The following USH2A variants were observed in gnomAD, a reference collection of about 807,000 sequenced individuals.
USH2A encodes usherin.
Under a neutral mutation model 538.9 loss-of-function variants are expected in USH2A, and 443 were observed. The observed-to-expected ratio is 0.82, with a 90% CI of 0.76 to 0.89. USH2A has a LOEUF of 0.89. Among genes scored for constraint, USH2A ranks in the 40% least tolerant of loss-of-function variants. The pLI, the probability that USH2A is intolerant of heterozygous loss-of-function variation, is 0.00. For missense variants in USH2A, 6,633 were observed against 6,324.8 expected, an observed-to-expected ratio of 1.05 and a Z score of -1.65; for synonymous variants, 2,413 against 2,273.5, an observed-to-expected ratio of 1.06 and a Z score of -1.75.
intron 61 of USH2A, among the ~76,000 whole-genome samples, chr1:215,686,206 T>C (rs1028415996): frequency 6.6e-6 from 1 of 152,154 alleles, no homozygotes. Flanking sequence ...GAGGAACTTA[T>C]AATCTAATAG....
chr1:215,762,863 G>A (rs1661019846), intron 56 of USH2A, among the ~76,000 whole-genome samples: 1 of 152,150 alleles, frequency 6.6e-6, no homozygotes. Context: ...GTTAAAAGGG[G>A]AAAGGTAGAA....
intron 21 of USH2A, among the ~76,000 whole-genome samples, chr1:216,152,237 C>T (rs1199021468): frequency 1.3e-5 from 2 of 152,178 alleles, no homozygotes; most frequent in African/African-American, 4.8e-5. Flanking sequence ...GCCAAGCCAT[C>T]GCATCCCCTG....
intron 38 of USH2A, among the ~76,000 whole-genome samples, chr1:215,908,381 T>C (rs1665691703): frequency 6.6e-6 from 1 of 151,970 alleles, no homozygotes; most frequent in Non-Finnish European, 1.5e-5. Flanking sequence ...TTAGTATTGC[T>C]CATGAAATAC....
At chr1:216,250,429 T>C (rs2036135107) in intron 12 of USH2A, among the ~76,000 whole-genome samples, 1 of 152,056 alleles carries the variant, frequency 6.6e-6, no homozygotes, top group Non-Finnish European at 1.5e-5. Flanking sequence ...TAGGAACAGT[T>C]CAAAGAAATA....
rs1571919564 is a variant in USH2A at position 215,634,793 on chromosome 1, G to A, written c.15053-90C>T. ...CTGCTATTTGATAGTAAATTAGAGA[G>A]GAGTTGAAAGCAGAAAGCAGTTTGT... On this transcript the variant is annotated intron_variant, in intron 69 of 71. Transcript: ENST00000307340. The A allele has an allele frequency of 4.4e-6, 7 of 1,604,566 alleles. No homozygotes were observed. In the East Asian group the frequency reaches 1.3e-4, roughly 31 times the overall value.
chr1:216,071,194 CT>C (rs1244524830), intron 29 of USH2A, among the ~76,000 whole-genome samples: 1 of 152,136 alleles, frequency 6.6e-6, no homozygotes, highest in Non-Finnish European at 1.5e-5. Flanking sequence ...GAGGATCACT[CT>C]GGTTTTTCCA....
At chr1:216,147,156 C>A (rs1165538935) in intron 21 of USH2A, among the ~76,000 whole-genome samples, 1 of 151,932 alleles carries the variant, frequency 6.6e-6, no homozygotes, top group Non-Finnish European at 1.5e-5. Flanking sequence ...GTACCAACCC[C>A]AAGCATCGCT....
At chr1:215,721,009 C>T (rs1470901305) in intron 61 of USH2A, among the ~76,000 whole-genome samples, 4 of 152,078 alleles carry the variant, frequency 2.6e-5, no homozygotes. Flanking sequence ...AATGACCATG[C>T]CCTCTTTCCC....
At position 215,892,261 on chromosome 1, in the gene USH2A, C is replaced by T. The variant is rs148800181; in HGVS notation, c.7595-3207G>A. Among the ~76,000 whole-genome samples, 387 of 152,186 alleles carry T rather than the reference C, an allele frequency of 2.5e-3. 1 individual carries two copies. Among genetic ancestry groups the T allele is most frequent in the Non-Finnish European group, 4.4e-3 (301 of 68,002 alleles). Reference sequence around the variant, plus strand: ...GAGTCTTCTCTACTTGTTTGCTATTCGAGTTACCCATGACTGATCAGTCAG... The same window carrying T: ...GAGTCTTCTCTACTTGTTTGCTATTTGAGTTACCCATGACTGATCAGTCAG... On this transcript the variant is annotated intron_variant, in intron 40 of 71. Coordinates refer to ENST00000307340, the MANE Select transcript of USH2A (RefSeq NM_206933.4).
In USH2A at chr1:215,899,581, A is replaced by G. The variant is rs538622328; in HGVS notation, c.7594+494T>C. Among the ~76,000 whole-genome samples, 3 of 152,324 alleles carry G rather than the reference A, an allele frequency of 2.0e-5. No individual in the cohort carries two copies. The South Asian group carries it at 6.2e-4, about 32-fold the overall frequency. On this transcript the variant is annotated intron_variant, in intron 40 of 71. Transcript: ENST00000307340. ...GAAATCTTAATCCACCTTTTGTAAT[A>G]TACTGCTATCAGATTATACTTCTCT...
At chr1:215,790,341 C>G (rs947652089) in intron 50 of USH2A, 59 bp from the exon 51 acceptor site, 6 of 1,584,578 alleles carry the variant, frequency 3.8e-6, no homozygotes, top group Non-Finnish European at 5.2e-6. Flanking sequence ...AAAACTGAGG[C>G]TGCTATAAAG....
intron 63 of USH2A, 32 bp from the exon 64 acceptor site, chr1:215,671,325 T>A: frequency 1.9e-6 from 3 of 1,610,172 alleles, no homozygotes; most frequent in Non-Finnish European, 1.7e-6. Context: ...TTAGTGATTT[T>A]CAGCAAAATA....
At chr1:215,632,674 C>A (rs1043437638) in intron 70 of USH2A, among the ~76,000 whole-genome samples, 1 of 152,134 alleles carries the variant, frequency 6.6e-6, no homozygotes, top group Non-Finnish European at 1.5e-5. Flanking sequence ...ACTCCATAGA[C>A]CCTAGTTTCA....
chr1:216,213,691 G>T (rs769233614), intron 15 of USH2A, among the ~76,000 whole-genome samples: 6 of 150,934 alleles, frequency 4.0e-5, no homozygotes, highest in Non-Finnish European at 8.9e-5. Context: ...AAATTTCTTA[G>T]ATAGGACACA....
chr1:216,280,296 A>G (rs1315718976), intron 11 of USH2A, among the ~76,000 whole-genome samples: 1 of 152,060 alleles, frequency 6.6e-6, no homozygotes, highest in Non-Finnish European at 1.5e-5. Flanking sequence ...CATAAGATAG[A>G]CTTCTTTTCC....
intron 55 of USH2A, among the ~76,000 whole-genome samples, chr1:215,773,132 G>A (rs1269956000): frequency 3.3e-5 from 5 of 152,136 alleles, no homozygotes; most frequent in Non-Finnish European, 7.4e-5. Context: ...TTCTAACAAA[G>A]GGCAAGCATG....
chr1:215,929,811 T>C (rs1373642745), intron 38 of USH2A, among the ~76,000 whole-genome samples: 2 of 152,068 alleles, frequency 1.3e-5, no homozygotes, highest in Non-Finnish European at 2.9e-5. Flanking sequence ...GAGGTGGATT[T>C]AAATCCTTGT....
Position 215,930,261 on chromosome 1 carries a change from A to G in USH2A, c.7300+4355T>C, listed in dbSNP as rs116187694. Among the ~76,000 whole-genome samples, 1,215 of 152,136 alleles carry G rather than the reference A, an allele frequency of 8.0e-3. 12 individuals are homozygous for G. Among genetic ancestry groups the G allele is most frequent in the African/African-American group, 0.028 (1,165 of 41,558 alleles). Reference sequence around the variant, plus strand: ...GAATAATATAAAACTTTCATTAAAAATCTGTTTCTAGCTCGTCAGTATGGA... The same window carrying G: ...GAATAATATAAAACTTTCATTAAAAGTCTGTTTCTAGCTCGTCAGTATGGA... On this transcript the variant is annotated intron_variant, in intron 38 of 71. Coordinates refer to ENST00000307340, the MANE Select transcript of USH2A (RefSeq NM_206933.4).
intron 47 of USH2A, among the ~76,000 whole-genome samples, chr1:215,835,517 A>G (rs1663452372): frequency 6.6e-6 from 1 of 152,092 alleles, no homozygotes. Context: ...CAGTTTCTCC[A>G]GAGAATAAAT....
Sources: allele counts gnomAD v4.1 joint callset (sites outside exome capture counted in the v4.1 genomes callset), GRCh38; gene constraint gnomAD v4.1.1; transcripts MANE v1.5; gene names NCBI Gene and HGNC (gene_info 2026-07-23, HGNC 2026-07-21).